Variants in CCBE1 observed in about 807,000 individuals in gnomAD.
CCBE1 encodes collagen and calcium-binding EGF domain-containing protein 1.
In CCBE1, 37 loss-of-function variants were observed where a neutral mutation model predicts 50.0. That is an observed-to-expected ratio of 0.74 (90% confidence interval 0.57 to 0.97). CCBE1 has a LOEUF of 0.97. CCBE1 is among the 50% of genes least tolerant of loss of function. The pLI is 0.00. For missense variants in CCBE1, 538 were observed against 523.8 expected (o/e 1.03, Z -0.26); for synonymous variants, 234 against 203.7 (o/e 1.15, Z -1.27).
Position 59,595,857 on chromosome 18 carries a change from G to A in CCBE1, c.212+100772C>T, listed in dbSNP as rs2053343056. 2.6e-5 allele frequency among the ~76,000 whole-genome samples: 4 copies of A among 152,252 alleles called. No homozygotes were observed. In the South Asian group the frequency reaches 8.3e-4, roughly 32 times the overall value. On this transcript the variant is annotated intron_variant, in intron 2 of 10. Coordinates refer to ENST00000439986, the MANE Select transcript of CCBE1 (RefSeq NM_133459.4). Reference sequence around the variant, plus strand: ...GGCTTTATCAAGTGGGTACCACAGTGGTGGCCCTCTCCATCAGATACTCCA... The same window carrying A: ...GGCTTTATCAAGTGGGTACCACAGTAGTGGCCCTCTCCATCAGATACTCCA...
chr18:59,551,406 T>G (rs1272154136), intron 2 of CCBE1, among the ~76,000 whole-genome samples: 1 of 152,210 alleles, frequency 6.6e-6, no homozygotes, highest in African/African-American at 2.4e-5. Context: ...GGAATGAATG[T>G]GAAGGCCTGG....
intron 2 of CCBE1, among the ~76,000 whole-genome samples, chr18:59,542,666 C>G (rs1447219455): frequency 6.6e-6 from 1 of 152,148 alleles, no homozygotes; most frequent in Non-Finnish European, 1.5e-5. Flanking sequence ...GAAACTAGTA[C>G]CACTGCTAAA....
rs574707422 is a variant in CCBE1 at position 59,468,268 on chromosome 18, C to T, written c.400+1205G>A. ...GGTGTAGTGGCGCATGCCTGTAGCT[C>T]CAGCTACTCAGGAGGCTCAGGTGGG... is the stretch of plus-strand genomic sequence containing the variant. On this transcript the variant is annotated intron_variant, in intron 4 of 10. Transcript: ENST00000439986. Among the ~76,000 whole-genome samples the T allele has an allele frequency of 2.0e-4, 30 of 152,290 alleles. 1 individual carries two copies. The highest frequency in any genetic ancestry group is 1.3e-3 in the Admixed American group (20 of 15,302).
intron 2 of CCBE1, among the ~76,000 whole-genome samples, chr18:59,578,513 C>T (rs184286150): frequency 2.0e-5 from 3 of 152,322 alleles, no homozygotes; most frequent in African/African-American, 7.2e-5. Context: ...TTTACTGCGG[C>T]TCTGTTCACA....
intron 6 of CCBE1, among the ~76,000 whole-genome samples, chr18:59,453,591 G>A (rs1033818611): frequency 6.6e-6 from 1 of 152,120 alleles, no homozygotes; most frequent in South Asian, 2.1e-4. Context: ...TACTGAACTG[G>A]TAGCTGTGGT....
chr18:59,496,483 G>T (rs1476856483), intron 2 of CCBE1, among the ~76,000 whole-genome samples: 7 of 152,156 alleles, frequency 4.6e-5, no homozygotes, highest in Admixed American at 3.3e-4. Flanking sequence ...GTATTACAGG[G>T]TATAGAAGGA....
chr18:59,662,189 G>T (rs1329106682), intron 2 of CCBE1, among the ~76,000 whole-genome samples: 1 of 152,176 alleles, frequency 6.6e-6, no homozygotes, highest in African/African-American at 2.4e-5. Flanking sequence ...TGCACAGACT[G>T]CAGAAGGGTA....
At chr18:59,444,917 TGAA>T (rs1184029943) in intron 7 of CCBE1, among the ~76,000 whole-genome samples, 1 of 152,196 alleles carries the variant, frequency 6.6e-6, no homozygotes, top group African/African-American at 2.4e-5. Flanking sequence ...TGTTGAATAT[TGAA>T]GTTCTTATAT....
intron 6 of CCBE1, among the ~76,000 whole-genome samples, chr18:59,449,976 T>A (rs1598909818): frequency 6.6e-6 from 1 of 152,016 alleles, no homozygotes; most frequent in Non-Finnish European, 1.5e-5. Flanking sequence ...GCAGCAGGAG[T>A]GCAGAATGAA....
intron 10 of CCBE1, 47 bp downstream of exon 10, chr18:59,438,064 C>T: frequency 6.2e-7 from 1 of 1,607,422 alleles, no homozygotes; most frequent in Non-Finnish European, 8.5e-7. Context: ...AGAGCTGCAT[C>T]CCTGAGAACG....
At chr18:59,654,747 G>T (rs559862348) in intron 2 of CCBE1, among the ~76,000 whole-genome samples, 1 of 147,808 alleles carries the variant, frequency 6.8e-6, no homozygotes, top group South Asian at 2.2e-4. Flanking sequence ...AGCCAAGATC[G>T]TGCCACTGCG....
intron 2 of CCBE1, among the ~76,000 whole-genome samples, chr18:59,650,095 G>C (rs536762466): frequency 6.6e-4 from 100 of 152,186 alleles, no homozygotes; most frequent in African/African-American, 2.3e-3. Context: ...CCAGCTTCAA[G>C]GCCACAGGTG....
intron 2 of CCBE1, among the ~76,000 whole-genome samples, chr18:59,614,992 T>C (rs887027657): frequency 6.6e-6 from 1 of 152,240 alleles, no homozygotes. Context: ...AAGTCTTCTA[T>C]GGCTCCATTC....
chr18:59,664,499 G>C (rs1468502184), intron 2 of CCBE1, among the ~76,000 whole-genome samples: 1 of 152,182 alleles, frequency 6.6e-6, no homozygotes, highest in Non-Finnish European at 1.5e-5. Flanking sequence ...CCCACCTACT[G>C]CAAGACATCC....
intron 5 of CCBE1, among the ~76,000 whole-genome samples, chr18:59,460,973 A>AAT (rs1237767343): frequency 6.7e-6 from 1 of 150,362 alleles, no homozygotes; most frequent in East Asian, 1.9e-4. Context: ...ATAAATAATA[A>AAT]AATAAAAATA....
At chr18:59,621,891 A>C (rs995518253) in intron 2 of CCBE1, among the ~76,000 whole-genome samples, 44 of 152,342 alleles carry the variant, frequency 2.9e-4, no homozygotes, top group African/African-American at 1.1e-3. Context: ...AAGTGACAAC[A>C]GTAGGCAACA....
chr18:59,534,542 T>C (rs960193862), intron 2 of CCBE1, among the ~76,000 whole-genome samples: 1 of 152,244 alleles, frequency 6.6e-6, no homozygotes, highest in Non-Finnish European at 1.5e-5. Context: ...TTTGGGTACA[T>C]TGCTTCAAAG....
chr18:59,460,960 T>TAAATAAAC (rs906006142), intron 5 of CCBE1, among the ~76,000 whole-genome samples: 2 of 149,090 alleles, frequency 1.3e-5, no homozygotes, highest in Non-Finnish European at 3.0e-5. Context: ...AATAAATAAA[T>TAAATAAAC]AAATAAATAA....
intron 7 of CCBE1, among the ~76,000 whole-genome samples, chr18:59,444,628 A>AC (rs1294837979): frequency 6.6e-6 from 1 of 151,210 alleles, no homozygotes; most frequent in Non-Finnish European, 1.5e-5. Flanking sequence ...GCGATCTTCT[A>AC]CCCCTCAGCC....
Sources: gnomAD v4.1 joint callset for allele counts (sites outside exome capture counted in the v4.1 genomes callset) on GRCh38, gnomAD v4.1.1 for gene constraint, MANE v1.5 for transcripts, NCBI Gene and HGNC (gene_info 2026-07-23, HGNC 2026-07-21) for gene names.